SYNE2: variants seen among roughly 807,000 people sequenced by gnomAD.
SYNE2 encodes nesprin-2.
A neutral mutation model predicts 856.3 loss-of-function variants in SYNE2; 431 were observed. The ratio of observed to expected loss-of-function variants is 0.50; its 90% CI spans 0.47 to 0.55. The LOEUF is 0.55. SYNE2 is among the 20% of genes least tolerant of loss of function. The pLI is 0.00. For missense variants in SYNE2, 8,129 were observed against 8,023.2 expected (o/e 1.01, Z -0.50); for synonymous variants, 2,923 against 2,872.3 (o/e 1.02, Z -0.56).
chr14:64,220,493 C>T lies in SYNE2; in HGVS notation c.19917C>T (p.Ser6639=). ...CATTAGTGGTCTCTGTCAACGTGAG[C>T]AGCAAGGAATTTCTGCAAACCGAGA... ...YKALVVSVNV[S]SKEFLQTESP... Residue 6639 remains serine, a synonymous_variant, in exon 111 of 116, where the codon AGC becomes AGT. Coordinates refer to ENST00000555002, the MANE Select transcript of SYNE2 (RefSeq NM_182914.3). 2 of 1,614,222 alleles carry T rather than the reference C, an allele frequency of 1.2e-6. No homozygotes were observed. The highest frequency in any genetic ancestry group is 1.7e-6 in the Non-Finnish European group (2 of 1,180,042).
chr14:64,223,202 A>G lies in SYNE2; in HGVS notation c.20204A>G (p.Glu6735Gly), dbSNP rs758110510. ...CRRELMQLEK[E>G]LVERQPQVDM... ...ATCTGTTTTCAGCAACTGGAAAAGG[A>G]GCTGGTAGAACGTCAACCTCAAGTG... The change falls in exon 113 of 116, where the codon GAG becomes GGG. Residue 6735 changes from glutamate (E) to glycine (G), a missense_variant. Glu to Gly is a moderately conservative substitution (Grantham distance 98). Transcript: ENST00000555002. 1 of 1,613,934 alleles carries G rather than the reference A, an allele frequency of 6.2e-7. No homozygotes were observed. Among genetic ancestry groups the G allele is most frequent in the South Asian group, 1.1e-5 (1 of 90,982 alleles).
At chr14:63,990,823 TA>T (rs1439592290) in intron 20 of SYNE2, 118 bp from the exon 21 acceptor site, 2 of 862,414 alleles carry the variant, frequency 2.3e-6, no homozygotes, top group African/African-American at 3.4e-5. Context: ...AGATTTATCA[TA>T]ATTTAGATAG....
At chr14:63,865,806 T>C (rs7160127) in intron 1 of SYNE2, among the ~76,000 whole-genome samples, 95,325 of 150,426 alleles carry the variant, frequency 0.63, 30,596 homozygotes, top group South Asian at 0.77. Flanking sequence ...AAGACCTTGT[T>C]TTTACAAATC....
chr14:64,203,044 G>A (rs892645674), intron 100 of SYNE2, 81 bp downstream of exon 100: 3 of 1,536,308 alleles, frequency 2.0e-6, no homozygotes, highest in Middle Eastern at 1.9e-4. Flanking sequence ...GTATATCTAT[G>A]TGTTTTCACG....
chr14:64,223,138 C>T (rs1304631498), intron 112 of SYNE2, 51 bp from the exon 113 acceptor site: 3 of 1,604,238 alleles, frequency 1.9e-6, no homozygotes, highest in Admixed American at 1.7e-5. Context: ...TGTGTCCACA[C>T]TCGCTTCCCT....
intron 90 of SYNE2, among the ~76,000 whole-genome samples, chr14:64,166,353 G>A (rs1032780654): frequency 6.6e-6 from 1 of 152,144 alleles, no homozygotes; most frequent in African/African-American, 2.4e-5. Flanking sequence ...GAAAAAGTTT[G>A]CTTATCCTGA....
rs148916979 is a variant in SYNE2, at chr14:64,141,924, A to G, written c.15160-18A>G. The G allele has an allele frequency of 4.4e-4, 713 of 1,613,584 alleles. 3 individuals carry two copies. In the African/African-American group the frequency reaches 7.9e-3, roughly 18 times the overall value. On this transcript the variant is annotated intron_variant, in intron 81 of 115. Coordinates refer to ENST00000555002, the MANE Select transcript of SYNE2 (RefSeq NM_182914.3). ...GTTAACTGCAGGCAATTAAATGGAA[A>G]TCATTTTGTTCTTACAGCTTCAAAT...
chr14:64,129,384 G>A (rs1318573081), intron 74 of SYNE2, among the ~76,000 whole-genome samples: 1 of 152,152 alleles, frequency 6.6e-6, no homozygotes, highest in Non-Finnish European at 1.5e-5. Flanking sequence ...ACTGTATATA[G>A]CCCAAAAGTC....
chr14:64,209,909 T>A, intron 102 of SYNE2, 33 bp from the exon 103 acceptor site: 1 of 1,613,892 alleles, frequency 6.2e-7, no homozygotes, highest in Non-Finnish European at 8.5e-7. Context: ...GCACTCTGCA[T>A]GCTTTGGCTC....
chr14:63,951,555 G>A (rs2096159936), intron 7 of SYNE2, among the ~76,000 whole-genome samples: 1 of 152,098 alleles, frequency 6.6e-6, no homozygotes, highest in Admixed American at 6.6e-5. Context: ...TGCCCACCTC[G>A]GCCTCCCAAA....
At position 64,132,313 on chromosome 14, in the gene SYNE2, T is replaced by C. The variant is rs2098030571; in HGVS notation, c.14389T>C (p.Ser4797Pro). ...VADMLLIQAY[S>P]AKILPSLLQN... ...TGACATGTTGTTGATCCAAGCATACTCTGCCAAAATACTTCCTTCTTTATT... is the reference window on the plus strand; with the variant it reads ...TGACATGTTGTTGATCCAAGCATACCCTGCCAAAATACTTCCTTCTTTATT... The change falls in exon 77 of 116, where the codon TCT becomes CCT. Residue 4797 changes from serine (S) to proline (P), a missense_variant. Physicochemically the swap from Ser to Pro is moderately conservative, Grantham distance 74. Around this residue, in one of 3 missense-constraint regions of SYNE2, gnomAD observed 5,410 missense variants for 5,284.8 expected, o/e 1.02. Coordinates refer to ENST00000555002, the MANE Select transcript of SYNE2 (RefSeq NM_182914.3). 1 of 1,614,036 alleles carries C rather than the reference T, an allele frequency of 6.2e-7. No homozygotes were observed. The highest frequency in any genetic ancestry group is 8.5e-7 in the Non-Finnish European group (1 of 1,180,058).
At chr14:64,178,862 G>A (rs1348238419) in intron 96 of SYNE2, among the ~76,000 whole-genome samples, 2 of 152,176 alleles carry the variant, frequency 1.3e-5, no homozygotes, top group Non-Finnish European at 1.5e-5. Flanking sequence ...CTTGAGTCCA[G>A]CAGTTTGAAA....
rs911731086 is a variant in SYNE2, at chr14:63,961,456, T to C, written c.788-69T>C. 3.1e-6 allele frequency: 4 copies of C among 1,306,424 alleles called. No homozygotes were observed. The African/African-American group carries it at 4.3e-5, about 14-fold the overall frequency. The allele number at this position is 1,306,424 out of a possible 1,614,324, so 80.9% of individuals were successfully genotyped here. On this transcript the variant is annotated intron_variant, in intron 8 of 115. Coordinates refer to ENST00000555002, the MANE Select transcript of SYNE2 (RefSeq NM_182914.3). Reference sequence around the variant, plus strand: ...GAACCAAATGGCAGAGGCTATGGCATAGCCCATTCTTGAGTATTCATTATA... The same window carrying C: ...GAACCAAATGGCAGAGGCTATGGCACAGCCCATTCTTGAGTATTCATTATA...
intron 9 of SYNE2, among the ~76,000 whole-genome samples, chr14:63,961,828 C>T (rs965532696): frequency 6.6e-6 from 1 of 151,884 alleles, no homozygotes; most frequent in African/African-American, 2.4e-5. Context: ...TGTCTCTGCT[C>T]CCCATCCCAG....
chr14:63,793,993 A>G (rs1293955456), intron 1 of SYNE2, among the ~76,000 whole-genome samples: 2 of 152,088 alleles, frequency 1.3e-5, no homozygotes, highest in East Asian at 3.8e-4. Context: ...TTGTCTGCAC[A>G]TGTCCTGCCT....
rs2097241861 is a variant in SYNE2, at chr14:64,053,359, T to C, written c.9446T>C (p.Leu3149Ser). Reference sequence around the variant, plus strand: ...GTATTAGAACTCTCACCAAAAGAATTGGATGAAAAGAATTGTCAGGACAAA... The same window carrying C: ...GTATTAGAACTCTCACCAAAAGAATCGGATGAAAAGAATTGTCAGGACAAA... ...NMVLELSPKE[L>S]DEKNCQDKLE... Residue 3149 changes from leucine (L) to serine (S), a missense_variant, in exon 48 of 116, where the codon TTG becomes TCG. By Grantham distance (145) the Leu-to-Ser change is moderately radical. Around this residue, in one of 3 missense-constraint regions of SYNE2, gnomAD observed 5,410 missense variants for 5,284.8 expected, o/e 1.02. Coordinates refer to ENST00000555002, the MANE Select transcript of SYNE2 (RefSeq NM_182914.3). The C allele has an allele frequency of 6.2e-7, 1 of 1,613,340 alleles. No homozygotes were observed. Among genetic ancestry groups the C allele is most frequent in the Non-Finnish European group, 8.5e-7 (1 of 1,179,918 alleles).
chr14:64,173,181 G>A (rs61987297), intron 94 of SYNE2, among the ~76,000 whole-genome samples: 3,436 of 152,282 alleles, frequency 0.023, 46 homozygotes, highest in African/African-American at 0.038. Context: ...CTTCAGTTCA[G>A]CGTGTCAAAA....
chr14:64,187,939 G>T lies in SYNE2; in HGVS notation c.17713-611G>T, dbSNP rs893603785. ...ATAATGGGGTATTGGGTATTTTGGGGTCAGCCTGCTTGCTGCAGACCAGCT... is the reference window on the plus strand; with the variant it reads ...ATAATGGGGTATTGGGTATTTTGGGTTCAGCCTGCTTGCTGCAGACCAGCT... On this transcript the variant is annotated intron_variant, in intron 97 of 115. Coordinates refer to ENST00000555002, the MANE Select transcript of SYNE2 (RefSeq NM_182914.3). 3.3e-5 allele frequency among the ~76,000 whole-genome samples: 5 copies of T among 152,176 alleles called. No homozygotes were observed. In the East Asian group the frequency reaches 9.6e-4, roughly 29 times the overall value.
At chr14:63,793,666 T>C (rs751869315) in intron 1 of SYNE2, among the ~76,000 whole-genome samples, 1 of 152,128 alleles carries the variant, frequency 6.6e-6, no homozygotes, top group Non-Finnish European at 1.5e-5. Context: ...CTGGGCACAG[T>C]TGGCTCATGC....
Sources: gnomAD v4.1 joint callset for allele counts (sites outside exome capture counted in the v4.1 genomes callset) on GRCh38, gnomAD v4.1.1 for gene constraint, gnomAD v4.1.1 regional missense constraint, MANE v1.5 for transcripts, NCBI Gene and HGNC (gene_info 2026-07-23, HGNC 2026-07-21) for gene names.